The following ASTN2 variants were observed in gnomAD, a reference collection of about 807,000 sequenced individuals.
ASTN2 encodes the protein astrotactin 2.
A neutral mutation model predicts 139.8 loss-of-function variants in ASTN2; 54 were observed. That is an observed-to-expected ratio of 0.39 (90% CI 0.31 to 0.48). The LOEUF is 0.48. ASTN2 is among the 20% of genes least tolerant of loss of function. ASTN2 has a pLI of 0.95. For missense variants in ASTN2, 1,565 were observed against 1,725.1 expected (o/e 0.91, Z 1.64); for synonymous variants, 756 against 719.5 (o/e 1.05, Z -0.81).
At chr9:116,558,758 G>A (rs1178765152) in intron 19 of ASTN2, among the ~76,000 whole-genome samples, 2 of 152,176 alleles carry the variant, frequency 1.3e-5, no homozygotes, top group South Asian at 2.1e-4. Flanking sequence ...TTGATACAGT[G>A]AGACACAGAA....
At chr9:117,031,027 G>T (rs564897638) in intron 6 of ASTN2, among the ~76,000 whole-genome samples, 5 of 152,072 alleles carry the variant, frequency 3.3e-5, no homozygotes, top group Non-Finnish European at 7.4e-5. Flanking sequence ...TGGTTTATTG[G>T]TATTTCATTG....
In ASTN2 at chr9:116,475,935, C is replaced by G. The variant is rs138087334; in HGVS notation, c.3497+11424G>C. On this transcript the variant is annotated intron_variant, in intron 20 of 22. Transcript: ENST00000313400. ...GCGTTGTCTCTCGTCCCCCAGCCTG[C>G]TCACAGTCTGTCCTCTGTCCCAAAT... Among the ~76,000 whole-genome samples, 229 of 152,354 alleles carry G rather than the reference C, an allele frequency of 1.5e-3. 1 individual carries two copies. The highest frequency in any genetic ancestry group is 5.8e-3 in the South Asian group (28 of 4,826).
chr9:117,034,550 T>C (rs990935994), intron 6 of ASTN2, among the ~76,000 whole-genome samples: 2 of 152,080 alleles, frequency 1.3e-5, no homozygotes, highest in African/African-American at 2.4e-5. Flanking sequence ...TGATCACATA[T>C]GTTAGATGGA....
intron 19 of ASTN2, among the ~76,000 whole-genome samples, chr9:116,601,696 A>T (rs548877336): frequency 6.6e-6 from 1 of 152,356 alleles, no homozygotes; most frequent in East Asian, 1.9e-4. Flanking sequence ...AGCTATATAG[A>T]GTAAATGAAC....
At chr9:116,876,643 C>T (rs180855469) in intron 10 of ASTN2, among the ~76,000 whole-genome samples, 13 of 152,306 alleles carry the variant, frequency 8.5e-5, no homozygotes, top group Non-Finnish European at 1.0e-4. Context: ...CAGTAACTAC[C>T]ACCCTGATCA....
intron 10 of ASTN2, among the ~76,000 whole-genome samples, chr9:116,946,390 G>A (rs1218239753): frequency 6.6e-6 from 1 of 151,994 alleles, no homozygotes; most frequent in Non-Finnish European, 1.5e-5. Flanking sequence ...CTGGAACAAG[G>A]GTATGCATGT....
intron 21 of ASTN2, among the ~76,000 whole-genome samples, chr9:116,441,003 T>A (rs1847824031): frequency 6.6e-6 from 1 of 152,148 alleles, no homozygotes; most frequent in Admixed American, 6.5e-5. Context: ...ATTCTGGAGG[T>A]GCATTGGGAG....
At chr9:116,498,210 G>A (rs1849731000) in intron 19 of ASTN2, among the ~76,000 whole-genome samples, 1 of 152,152 alleles carries the variant, frequency 6.6e-6, no homozygotes, top group African/African-American at 2.4e-5. Flanking sequence ...CAATTCCAAA[G>A]CCTGTTGTTT....
chr9:116,529,696 G>A (rs1184728091), intron 19 of ASTN2, among the ~76,000 whole-genome samples: 2 of 151,952 alleles, frequency 1.3e-5, no homozygotes, highest in African/African-American at 4.8e-5. Context: ...TGGGTCATGA[G>A]GGCAGTCTCC....
At chr9:116,744,436 C>T (rs1829180905) in intron 13 of ASTN2, among the ~76,000 whole-genome samples, 1 of 152,050 alleles carries the variant, frequency 6.6e-6, no homozygotes, top group African/African-American at 2.4e-5. Context: ...AAAAGACTGC[C>T]TGACTACAGG....
At chr9:116,886,987 G>C (rs1245328020) in intron 10 of ASTN2, among the ~76,000 whole-genome samples, 1 of 152,094 alleles carries the variant, frequency 6.6e-6, no homozygotes, top group African/African-American at 2.4e-5. Context: ...TCATGGTGTA[G>C]GCTCATGGAC....
At chr9:116,854,137 C>G (rs1832679227) in intron 11 of ASTN2, among the ~76,000 whole-genome samples, 1 of 152,136 alleles carries the variant, frequency 6.6e-6, no homozygotes, top group African/African-American at 2.4e-5. Flanking sequence ...GCTCAGTTTT[C>G]CCATCTGTAA....
chr9:117,115,793 A>G (rs955739379), intron 4 of ASTN2, among the ~76,000 whole-genome samples: 1 of 152,094 alleles, frequency 6.6e-6, no homozygotes, highest in African/African-American at 2.4e-5. Context: ...TGGGAGGCCA[A>G]GGCAGGAGGA....
intron 16 of ASTN2, among the ~76,000 whole-genome samples, chr9:116,703,729 T>TAA (rs33973593): frequency 0.27 from 39,961 of 145,606 alleles, 6,138 homozygotes; most frequent in Admixed American, 0.42. Context: ...AGTATAATAA[T>TAA]AAAAAAAAAA....
intron 3 of ASTN2, among the ~76,000 whole-genome samples, chr9:117,172,506 T>C (rs1241399283): frequency 6.6e-6 from 1 of 152,090 alleles, no homozygotes; most frequent in Non-Finnish European, 1.5e-5. Context: ...TTTTAAAAAT[T>C]AGCTATGACT....
intron 16 of ASTN2, among the ~76,000 whole-genome samples, chr9:116,680,307 T>C (rs149467370): frequency 2.0e-5 from 3 of 152,042 alleles, no homozygotes; most frequent in Non-Finnish European, 4.4e-5. Context: ...ACATACACCA[T>C]CCCAAGACTA....
chr9:116,552,892 C>T (rs1201688762), intron 19 of ASTN2, among the ~76,000 whole-genome samples: 1 of 152,152 alleles, frequency 6.6e-6, no homozygotes, highest in African/African-American at 2.4e-5. Flanking sequence ...GATTTTATGG[C>T]TTACAGTGGA....
At chr9:116,458,681 CACTT>C (rs545876519) in intron 20 of ASTN2, among the ~76,000 whole-genome samples, 12 of 151,536 alleles carry the variant, frequency 7.9e-5, no homozygotes, top group Non-Finnish European at 1.5e-4. Flanking sequence ...TTAAAAAAAA[CACTT>C]AGGAATAAAT....
At chr9:116,980,345 G>A (rs1836476963) in intron 7 of ASTN2, among the ~76,000 whole-genome samples, 1 of 151,630 alleles carries the variant, frequency 6.6e-6, no homozygotes, top group Non-Finnish European at 1.5e-5. Flanking sequence ...ATATATCCAT[G>A]TAACAAACCT....
Sources: allele counts gnomAD v4.1 joint callset (sites outside exome capture counted in the v4.1 genomes callset), GRCh38; gene constraint gnomAD v4.1.1; transcripts MANE v1.5; gene names NCBI Gene and HGNC (gene_info 2026-07-23, HGNC 2026-07-21).